Variants in NRP1 observed in about 807,000 individuals in gnomAD.
NRP1 encodes the protein neuropilin-1.
In NRP1, 35 loss-of-function variants were observed where a neutral mutation model predicts 106.7. That is an observed-to-expected ratio of 0.33 (90% confidence interval 0.25 to 0.43). The LOEUF (loss-of-function observed/expected upper bound fraction) is 0.43. Ranked by LOEUF, NRP1 falls within the 20% of genes least tolerant of loss-of-function variation. NRP1 has a pLI of 1.00. For missense variants in NRP1, 1,024 were observed against 1,170.4 expected (o/e 0.87, Z 1.83); for synonymous variants, 437 against 417.9 (o/e 1.05, Z -0.56).
In NRP1 at chr10:33,244,742, A is replaced by G. The variant is rs139032086; in HGVS notation, c.981+9286T>C. On this transcript the variant is annotated intron_variant, in intron 6 of 16. Coordinates refer to ENST00000374867, the MANE Select transcript of NRP1 (RefSeq NM_003873.7). Reference sequence around the variant, plus strand: ...ACTCTTGATTATATTTGAATTAAAAAAAATAACCCAAGAACTCTCTGATTT... The same window carrying G: ...ACTCTTGATTATATTTGAATTAAAAGAAATAACCCAAGAACTCTCTGATTT... Among the ~76,000 whole-genome samples, 475 of 152,360 alleles carry G rather than the reference A, an allele frequency of 3.1e-3. 1 individual carries two copies. Among genetic ancestry groups the G allele is most frequent in the Middle Eastern group, 0.017 (5 of 294 alleles).
chr10:33,186,849 A>G (rs143427688), intron 13 of NRP1, among the ~76,000 whole-genome samples: 1 of 86,206 alleles, frequency 1.2e-5, no homozygotes, highest in African/African-American at 4.4e-5. Context: ...CCTGGCTCTT[A>G]GAGAAACCTT....
At chr10:33,202,235 A>C in intron 11 of NRP1, 1 of 157,264 alleles carries the variant, frequency 6.4e-6, no homozygotes, top group Non-Finnish European at 1.4e-5. Flanking sequence ...TTCCTCTGCC[A>C]TTCCAAGTGG....
chr10:33,192,319 A>G lies in NRP1; in HGVS notation c.2024T>C (p.Val675Ala). The G allele has an allele frequency of 6.2e-7, 1 of 1,613,796 alleles. No homozygotes were observed. Among genetic ancestry groups the G allele is most frequent in the East Asian group, 2.2e-5 (1 of 44,864 alleles). The change falls in exon 13 of 17, where the codon GTG becomes GCG. Residue 675 changes from valine (V) to alanine (A), a missense_variant. This residue lies in a region of NRP1 where 562 missense variants were observed against 620.3 expected (regional missense o/e 0.91). Transcript: ENST00000374867. ...AATGGGTCCCGTCTTGCTGGTCAAC[A>G]CACTCCACTTGAGCTGCACGTGATT... is the stretch of plus-strand genomic sequence containing the variant. ...HDNHVQLKWSVLTSKTGPIQD... is the reference protein window; with the variant it reads ...HDNHVQLKWSALTSKTGPIQD...
In NRP1 at chr10:33,275,804, G is replaced by A. The variant is rs184234857; in HGVS notation, c.249-4948C>T. Among the ~76,000 whole-genome samples, 756 of 151,924 alleles carry A rather than the reference G, an allele frequency of 5.0e-3. 9 individuals are homozygous for A. Among genetic ancestry groups the A allele is most frequent in the African/African-American group, 0.017 (711 of 41,408 alleles). ...TCATGGCTGTAGTCCCACCTACTTG[G>A]GAGGCTGAGGTGGGAGGATCACTTG... On this transcript the variant is annotated intron_variant, in intron 2 of 16. Coordinates refer to ENST00000374867, the MANE Select transcript of NRP1 (RefSeq NM_003873.7).
intron 2 of NRP1, among the ~76,000 whole-genome samples, chr10:33,316,837 C>T (rs1300677797): frequency 6.6e-6 from 1 of 152,196 alleles, no homozygotes; most frequent in African/African-American, 2.4e-5. Context: ...TTTGAGCAAA[C>T]ATTTTCAGTC....
At chr10:33,292,185 G>C (rs374266683) in intron 2 of NRP1, among the ~76,000 whole-genome samples, 2 of 152,048 alleles carry the variant, frequency 1.3e-5, no homozygotes, top group Non-Finnish European at 2.9e-5. Flanking sequence ...CATGAGTCAC[G>C]GTGCCCAGCC....
chr10:33,243,229 GA>G (rs1259881650), intron 6 of NRP1, among the ~76,000 whole-genome samples: 2 of 151,946 alleles, frequency 1.3e-5, no homozygotes, highest in South Asian at 2.1e-4. Flanking sequence ...TTTGATCTAA[GA>G]AAAAAAATCT....
intron 2 of NRP1, among the ~76,000 whole-genome samples, chr10:33,284,178 T>C (rs1405922248): frequency 6.6e-6 from 1 of 152,240 alleles, no homozygotes; most frequent in African/African-American, 2.4e-5. Context: ...ATGTTGTTCT[T>C]TACCTTCTTT....
At chr10:33,266,192 G>T (rs7921144) in intron 3 of NRP1, among the ~76,000 whole-genome samples, 20,362 of 152,158 alleles carry the variant, frequency 0.13, 1,495 homozygotes, top group Middle Eastern at 0.22. Context: ...AGGAATTAAG[G>T]TCATACTTTC....
At chr10:33,207,747 G>GA in intron 9 of NRP1, 31 bp from the exon 10 acceptor site, 1 of 1,579,050 alleles carries the variant, frequency 6.3e-7, no homozygotes. Context: ...AGGGCATTAA[G>GA]GAAAAAAAAA....
At chr10:33,207,009 T>A (rs1280418757) in intron 10 of NRP1, among the ~76,000 whole-genome samples, 2 of 152,246 alleles carry the variant, frequency 1.3e-5, no homozygotes, top group Non-Finnish European at 2.9e-5. Flanking sequence ...GAATAATGTC[T>A]TGATGTCTTA....
chr10:33,229,928 G>A (rs989189608), intron 6 of NRP1, among the ~76,000 whole-genome samples: 2 of 152,076 alleles, frequency 1.3e-5, no homozygotes, highest in Admixed American at 1.3e-4. Flanking sequence ...TTACCACACA[G>A]GGATACTTGA....
chr10:33,281,810 G>A (rs897591777), intron 2 of NRP1, among the ~76,000 whole-genome samples: 5 of 152,180 alleles, frequency 3.3e-5, no homozygotes, highest in African/African-American at 1.2e-4. Flanking sequence ...AAGTGAGGTT[G>A]GGATATGGAG....
chr10:33,286,570 A>G (rs1248436631), intron 2 of NRP1, among the ~76,000 whole-genome samples: 1 of 152,212 alleles, frequency 6.6e-6, no homozygotes, highest in Admixed American at 6.5e-5. Flanking sequence ...GGTCTCCCAT[A>G]GATGGCCCCA....
chr10:33,282,820 A>G (rs1451884397), intron 2 of NRP1, among the ~76,000 whole-genome samples: 2 of 151,876 alleles, frequency 1.3e-5, no homozygotes, highest in Non-Finnish European at 2.9e-5. Context: ...ATCTTGGCTC[A>G]CTGCGACCTC....
intron 2 of NRP1, among the ~76,000 whole-genome samples, chr10:33,291,408 G>A (rs138565297): frequency 6.6e-6 from 1 of 152,316 alleles, no homozygotes; most frequent in East Asian, 1.9e-4. Flanking sequence ...TATGCCTGAA[G>A]CAGCTCTGAC....
intron 2 of NRP1, among the ~76,000 whole-genome samples, chr10:33,326,767 C>T (rs1015809576): frequency 2.0e-5 from 3 of 152,116 alleles, no homozygotes; most frequent in African/African-American, 7.2e-5. Flanking sequence ...TTTAATTTTC[C>T]TAACGAAGTA....
intron 2 of NRP1, among the ~76,000 whole-genome samples, chr10:33,282,747 T>A (rs1844231680): frequency 6.6e-6 from 1 of 152,090 alleles, no homozygotes; most frequent in Non-Finnish European, 1.5e-5. Context: ...GAGCTGAACT[T>A]TTCTTTTTTT....
chr10:33,196,691 A>T lies in NRP1; in HGVS notation c.1924+959T>A, dbSNP rs1015159763. 1.1e-4 allele frequency among the ~76,000 whole-genome samples: 17 copies of T among 152,212 alleles called. No homozygotes were observed. The East Asian group carries it at 2.1e-3, about 19-fold the overall frequency. Reference sequence around the variant, plus strand: ...CTGGGGGTTAAGTTTGACCAAAGAGAAGTTTGTTTTGCAGTTTAATCAGGT... The same window carrying T: ...CTGGGGGTTAAGTTTGACCAAAGAGTAGTTTGTTTTGCAGTTTAATCAGGT... On this transcript the variant is annotated intron_variant, in intron 12 of 16. Coordinates refer to ENST00000374867, the MANE Select transcript of NRP1 (RefSeq NM_003873.7).
Sources: allele counts gnomAD v4.1 joint callset (sites outside exome capture counted in the v4.1 genomes callset), GRCh38; gene constraint gnomAD v4.1.1; regional missense constraint gnomAD v4.1.1; transcripts MANE v1.5; gene names NCBI Gene and HGNC (gene_info 2026-07-23, HGNC 2026-07-21).